FAM3B: variants seen among roughly 807,000 people sequenced by gnomAD.
FAM3B encodes FAM3 metabolism regulating signaling molecule B.
FAM3B carries 29 observed loss-of-function variants against 28.4 expected under a neutral mutation model. The ratio of observed to expected loss-of-function variants is 1.02; its 90% CI spans 0.76 to 1.39. FAM3B has a LOEUF of 1.39. Ranked by LOEUF, FAM3B falls within the 40% of genes most tolerant of loss-of-function variation. The pLI is 0.00. For missense variants in FAM3B, 266 were observed against 293.9 expected, an observed-to-expected ratio of 0.91 and a Z score of 0.69; for synonymous variants, 91 against 103.0, an observed-to-expected ratio of 0.88 and a Z score of 0.71.
intron 3 of FAM3B, 88 bp from the exon 4 acceptor site, chr21:41,344,388 A>C (rs1209138475): frequency 8.1e-7 from 1 of 1,229,344 alleles, no homozygotes; most frequent in African/African-American, 1.5e-5. Flanking sequence ...ACAGCAGATG[A>C]GACTGACATT....
intron 3 of FAM3B, among the ~76,000 whole-genome samples, chr21:41,342,789 A>G (rs1391279900): frequency 1.3e-5 from 2 of 152,244 alleles, no homozygotes; most frequent in Non-Finnish European, 2.9e-5. Flanking sequence ...TCTAGCATTT[A>G]GAGTGCCTGT....
chr21:41,333,941 T>G (rs2088929462), intron 2 of FAM3B, among the ~76,000 whole-genome samples: 1 of 152,140 alleles, frequency 6.6e-6, no homozygotes, highest in Non-Finnish European at 1.5e-5. Flanking sequence ...AAAGGTCACT[T>G]TTATTATACC....
intron 3 of FAM3B, 142 bp downstream of exon 3, chr21:41,338,643 G>A: frequency 9.0e-7 from 1 of 1,112,860 alleles, no homozygotes; most frequent in Non-Finnish European, 1.3e-6. Context: ...GCATCCAAGT[G>A]GAAATGAGAA....
In FAM3B at chr21:41,357,164, G is replaced by T. The variant is rs1357342555; in HGVS notation, c.675G>T (p.Gln225His). Reference protein sequence around the residue: ...NRYSGWPAEIQIEGCIPKERS With the variant: ...NRYSGWPAEIHIEGCIPKERS ...ATTCTGGCTGGCCTGCAGAGATCCA[G>T]ATAGAAGGCTGCATACCCAAAGAAC... The change falls in exon 8 of 8, where the codon CAG becomes CAT. Residue 225 changes from glutamine (Q) to histidine (H), a missense_variant. By Grantham distance (24) the Gln-to-His change is conservative (BLOSUM62 0). Coordinates refer to ENST00000357985, the MANE Select transcript of FAM3B (RefSeq NM_058186.4). 2 of 1,613,540 alleles carry T rather than the reference G, an allele frequency of 1.2e-6. No homozygotes were observed. Among genetic ancestry groups the T allele is most frequent in the African/African-American group, 2.7e-5 (2 of 74,910 alleles).
At position 41,322,934 on chromosome 21, in the gene FAM3B, G is replaced by T; in HGVS notation, c.31G>T (p.Val11Leu). 2 of 1,613,930 alleles carry T rather than the reference G, an allele frequency of 1.2e-6. No individual in the cohort carries two copies. Among genetic ancestry groups the T allele is most frequent in the Non-Finnish European group, 1.7e-6 (2 of 1,180,044 alleles). MRPLAGGLLK[V>L]VFVVFASLCA... ...TGTCCTCTCTGCAGGCCTGCTCAAG[G>T]TGGTGTTCGTGGTCTTCGCCTCCTT... Residue 11 changes from valine to leucine, a missense_variant, in exon 2 of 8, where the codon GTG becomes TTG. Coordinates refer to ENST00000357985, the MANE Select transcript of FAM3B (RefSeq NM_058186.4).
At chr21:41,322,882 A>C in intron 1 of FAM3B, 41 bp from the exon 2 acceptor site, 1 of 1,614,144 alleles carries the variant, frequency 6.2e-7, no homozygotes. Context: ...CAGGGCCGCC[A>C]CCAAGTCGTT....
At chr21:41,308,168 C>T (rs920958321) in intron 1 of FAM3B, among the ~76,000 whole-genome samples, 2 of 152,192 alleles carry the variant, frequency 1.3e-5, no homozygotes, top group African/African-American at 2.4e-5. Flanking sequence ...GATAAAATAA[C>T]CCATTAACAT....
At chr21:41,349,247 T>TA (rs768514268) in intron 7 of FAM3B, among the ~76,000 whole-genome samples, 8 of 152,224 alleles carry the variant, frequency 5.3e-5, no homozygotes, top group Non-Finnish European at 1.0e-4. Flanking sequence ...CGTTCTCACT[T>TA]ATTAACCACT....
chr21:41,328,119 G>A (rs755036295), intron 2 of FAM3B, among the ~76,000 whole-genome samples: 1 of 152,176 alleles, frequency 6.6e-6, no homozygotes, highest in Non-Finnish European at 1.5e-5. Context: ...GAACAGCACT[G>A]CCCACGGGAA....
intron 2 of FAM3B, among the ~76,000 whole-genome samples, chr21:41,335,004 T>A (rs749892518): frequency 3.9e-5 from 6 of 152,110 alleles, no homozygotes; most frequent in Non-Finnish European, 8.8e-5. Flanking sequence ...CCCTGCTGGG[T>A]TTTGGACTCG....
chr21:41,348,871 G>T (rs1568923177), intron 7 of FAM3B, 147 bp downstream of exon 7: 6 of 903,204 alleles, frequency 6.6e-6, no homozygotes, highest in Non-Finnish European at 1.0e-5. Flanking sequence ...GATCCGGACA[G>T]AAGTTTCAAA....
At chr21:41,313,046 A>C (rs1393655026), upstream of FAM3B, among the ~76,000 whole-genome samples, 1 of 152,192 alleles carries the variant, frequency 6.6e-6, no homozygotes, top group Non-Finnish European at 1.5e-5. Context: ...ATCCTGAAGT[A>C]CGCTCAGCTA....
In FAM3B at chr21:41,335,490, C is replaced by T. The variant is rs114528901; in HGVS notation, c.164-2888C>T. 1.5e-3 allele frequency among the ~76,000 whole-genome samples: 227 copies of T among 152,202 alleles called. 1 individual carries two copies. Among genetic ancestry groups the T allele is most frequent in the African/African-American group, 4.7e-3 (194 of 41,518 alleles). On this transcript the variant is annotated intron_variant, in intron 2 of 7. Coordinates refer to ENST00000357985, the MANE Select transcript of FAM3B (RefSeq NM_058186.4). ...GACGTGGTTGTTTAAAAGTGTGTGG[C>T]GCCTCCTTCCCACCCTCACTCTCTA...
In FAM3B at chr21:41,326,366, A is replaced by G. The variant is rs2088855057; in HGVS notation, c.163+3300A>G. 6.6e-6 allele frequency among the ~76,000 whole-genome samples: 1 copy of G among 152,184 alleles called. No individual in the cohort carries two copies. Among genetic ancestry groups the G allele is most frequent in the Admixed American group, 6.5e-5 (1 of 15,280 alleles). ...AAGCTACTGACTCTTTTTTTAAATG[A>G]CACATGGGTTCCCTGCCCACTCCCA... On this transcript the variant is annotated intron_variant, in intron 2 of 7. Coordinates refer to ENST00000357985, the MANE Select transcript of FAM3B (RefSeq NM_058186.4). The surrounding 1 kb of genome is among the most constrained non-coding windows in gnomAD (Gnocchi z 4.0).
chr21:41,350,468 A>AC (rs1161026333), intron 7 of FAM3B, among the ~76,000 whole-genome samples: 2 of 152,182 alleles, frequency 1.3e-5, no homozygotes, highest in Non-Finnish European at 2.9e-5. Context: ...AAGAAGAGAA[A>AC]CACATGGATC....
intron 2 of FAM3B, among the ~76,000 whole-genome samples, chr21:41,325,258 A>T (rs1210523874): frequency 6.6e-6 from 1 of 152,242 alleles, no homozygotes; most frequent in East Asian, 1.9e-4. Flanking sequence ...ATGAGCATTG[A>T]TTAGCAGAGA....
intron 2 of FAM3B, among the ~76,000 whole-genome samples, chr21:41,330,904 G>T (rs1393709040): frequency 2.0e-5 from 3 of 152,178 alleles, no homozygotes; most frequent in African/African-American, 7.2e-5. Flanking sequence ...CAGTGAACCT[G>T]GGAGTGCAGA....
chr21:41,314,762 TAA>T (rs34615145), upstream of FAM3B, among the ~76,000 whole-genome samples: 11,620 of 147,292 alleles, frequency 0.079, 851 homozygotes, highest in African/African-American at 0.2. Flanking sequence ...AGGCTACTAT[TAA>T]AAAAAAAAAA....
At chr21:41,321,261 A>G (rs1426709875) in intron 1 of FAM3B, among the ~76,000 whole-genome samples, 1 of 152,214 alleles carries the variant, frequency 6.6e-6, no homozygotes, top group Admixed American at 6.6e-5. Context: ...ACGCGGTGTC[A>G]CAGGCATGCT....
Sources: gnomAD v4.1 joint callset for allele counts (sites outside exome capture counted in the v4.1 genomes callset) on GRCh38, gnomAD v4.1.1 for gene constraint, Gnocchi (gnomAD v3.1) non-coding constraint, MANE v1.5 for transcripts, NCBI Gene and HGNC (gene_info 2026-07-23, HGNC 2026-07-21) for gene names.